The following ADAMTSL1 variants were observed in gnomAD, a reference collection of about 807,000 sequenced individuals.
ADAMTSL1 encodes the protein ADAMTS like 1.
Under a neutral mutation model 201.8 loss-of-function variants are expected in ADAMTSL1, and 126 were observed. That is an observed-to-expected ratio of 0.62 (90% CI 0.54 to 0.72). The LOEUF (loss-of-function observed/expected upper bound fraction) is 0.72, where lower values mean the gene tolerates loss of function less well. Among genes scored for constraint, ADAMTSL1 ranks in the 30% least tolerant of loss-of-function variants. The pLI is 0.00. For synonymous variants in ADAMTSL1, 1,121 were observed against 903.4 expected (o/e 1.24, Z -4.32); for missense variants, 2,679 against 2,277.8 (o/e 1.18, Z -3.59).
At chr9:18,058,850 C>T (rs1822316520) in intron 1 of ADAMTSL1, among the ~76,000 whole-genome samples, 1 of 152,238 alleles carries the variant, frequency 6.6e-6, no homozygotes, top group Non-Finnish European at 1.5e-5. Flanking sequence ...AAAGAAACCA[C>T]AGATGTTACT....
At chr9:18,118,045 A>G (rs554007968) in intron 1 of ADAMTSL1, among the ~76,000 whole-genome samples, 1 of 152,292 alleles carries the variant, frequency 6.6e-6, no homozygotes, top group South Asian at 2.1e-4. Context: ...TCATGAATGT[A>G]TTGTTATCTG....
rs1361531514 is a variant in ADAMTSL1 at position 18,011,002 on chromosome 9, A to G, written c.87+104080A>G. On this transcript the variant is annotated intron_variant, in intron 1 of 29. Coordinates refer to the ADAMTSL1 transcript ENST00000680146. Reference sequence around the variant, plus strand: ...TTTCATTAGGCAATCAGTTTCTGAAAGACATGGCCCATGTGGCAAGTGAAA... The same window carrying G: ...TTTCATTAGGCAATCAGTTTCTGAAGGACATGGCCCATGTGGCAAGTGAAA... Among the ~76,000 whole-genome samples the G allele has an allele frequency of 2.0e-5, 3 of 152,098 alleles. No individual in the cohort carries two copies. In the East Asian group the frequency reaches 5.8e-4, roughly 30 times the overall value.
At position 18,262,037 on chromosome 9, in the gene ADAMTSL1, G is replaced by A. The variant is rs543495748; in HGVS notation, c.207+98056G>A. ...AATATGTATGGTAACTAGACATGCCGGGACTTGTATAAAATGAGAATTTGA... is the reference window on the plus strand; with the variant it reads ...AATATGTATGGTAACTAGACATGCCAGGACTTGTATAAAATGAGAATTTGA... On this transcript the variant is annotated intron_variant, in intron 2 of 29. Coordinates refer to the ADAMTSL1 transcript ENST00000680146. 3.9e-5 allele frequency among the ~76,000 whole-genome samples: 6 copies of A among 152,192 alleles called. No individual in the cohort carries two copies. The South Asian group carries it at 1.0e-3, about 26-fold the overall frequency.
At chr9:18,356,510 C>G (rs10810959) in intron 2 of ADAMTSL1, among the ~76,000 whole-genome samples, 137,135 of 140,664 alleles carry the variant, frequency 0.97, 66,937 homozygotes, top group East Asian at 1. Context: ...TTGGGGGACA[C>G]AGTGAGACCC....
intron 4 of ADAMTSL1, among the ~76,000 whole-genome samples, chr9:18,583,046 A>C (rs1193343077): frequency 6.6e-6 from 1 of 152,048 alleles, no homozygotes; most frequent in Admixed American, 6.6e-5. Context: ...TTCTTTTGTA[A>C]ATTGCTCGGT....
At chr9:18,229,319 G>A (rs957922906) in intron 2 of ADAMTSL1, among the ~76,000 whole-genome samples, 3 of 152,062 alleles carry the variant, frequency 2.0e-5, no homozygotes, top group East Asian at 1.9e-4. Context: ...GAATTAGGAC[G>A]TTTCTGGTAG....
In ADAMTSL1 at chr9:18,606,084, G is replaced by A. The variant is rs150954055; in HGVS notation, c.475-16159G>A. Among the ~76,000 whole-genome samples, 16 of 152,220 alleles carry A rather than the reference G, an allele frequency of 1.1e-4. No homozygotes were observed. In the East Asian group the frequency reaches 1.4e-3, roughly 13 times the overall value. On this transcript the variant is annotated intron_variant, in intron 4 of 28. Coordinates refer to ENST00000380548, the MANE Select transcript of ADAMTSL1 (RefSeq NM_001040272.6). ...GAGAAGGTCTCTGCAGGGTTAGGCCGCCCAGATGCGAGCTGTTTGGGCTGA... is the reference window on the plus strand; with the variant it reads ...GAGAAGGTCTCTGCAGGGTTAGGCCACCCAGATGCGAGCTGTTTGGGCTGA...
chr9:18,837,977 A>G (rs1825423255), intron 23 of ADAMTSL1, among the ~76,000 whole-genome samples: 1 of 152,128 alleles, frequency 6.6e-6, no homozygotes, highest in South Asian at 2.1e-4. Context: ...TTAGGCCTCC[A>G]TGAGGTCAAA....
chr9:18,112,524 G>A (rs73645717), intron 1 of ADAMTSL1, among the ~76,000 whole-genome samples: 2,963 of 147,622 alleles, frequency 0.02, 94 homozygotes, highest in African/African-American at 0.069. Flanking sequence ...ACTTTTCCTC[G>A]CCTGTGCTTC....
At chr9:18,683,084 C>T (rs1830606730) in intron 12 of ADAMTSL1, among the ~76,000 whole-genome samples, 1 of 152,154 alleles carries the variant, frequency 6.6e-6, no homozygotes, top group Admixed American at 6.6e-5. Context: ...GAGGAGGTTG[C>T]CACAGGTGCG....
intron 2 of ADAMTSL1, among the ~76,000 whole-genome samples, chr9:18,505,654 C>T (rs1015157069): frequency 7.9e-5 from 12 of 152,106 alleles, no homozygotes; most frequent in Non-Finnish European, 1.5e-4. Flanking sequence ...CTAGATCTGT[C>T]TCCAAACTAT....
chr9:18,125,223 C>T (rs1441707711), intron 1 of ADAMTSL1, among the ~76,000 whole-genome samples: 6 of 152,076 alleles, frequency 3.9e-5, no homozygotes, highest in Non-Finnish European at 5.9e-5. Context: ...CGGATGGCAG[C>T]AGGGAAAGAG....
chr9:18,368,960 T>C (rs996629202), intron 2 of ADAMTSL1, among the ~76,000 whole-genome samples: 7 of 152,232 alleles, frequency 4.6e-5, no homozygotes, highest in African/African-American at 1.7e-4. Context: ...TGCCTCCTGA[T>C]TAACTTTGTT....
At chr9:18,721,219 T>A (rs571356514) in intron 14 of ADAMTSL1, among the ~76,000 whole-genome samples, 2 of 152,302 alleles carry the variant, frequency 1.3e-5, no homozygotes, top group South Asian at 4.1e-4. Flanking sequence ...AAGTATCATG[T>A]TCCAGCATTG....
chr9:18,736,934 A>G (rs1818530269), intron 15 of ADAMTSL1, among the ~76,000 whole-genome samples: 3 of 152,200 alleles, frequency 2.0e-5, no homozygotes, highest in African/African-American at 7.2e-5. Flanking sequence ...CTCTGTAAGC[A>G]GACTAGTATC....
At position 18,892,435 on chromosome 9, in the gene ADAMTSL1, G is replaced by A. The variant is rs1395244537; in HGVS notation, c.4690G>A (p.Gly1564Ser). 8 of 1,613,496 alleles carry A rather than the reference G, an allele frequency of 5.0e-6. No homozygotes were observed. The highest frequency in any genetic ancestry group is 2.2e-5 in the East Asian group (1 of 44,876). ...WSACTRSCGG[G>S]VQTRRVTCQK... Reference sequence around the variant, plus strand: ...TGCCTGTACCCGGAGCTGTGGGGGAGGTGTCCAGACCCGCAGGGTGACCTG... The same window carrying A: ...TGCCTGTACCCGGAGCTGTGGGGGAAGTGTCCAGACCCGCAGGGTGACCTG... Residue 1564 changes from glycine to serine, a missense_variant, in exon 26 of 29, where the codon GGT becomes AGT. Gly to Ser is a moderately conservative substitution (Grantham distance 56). Transcript: ENST00000380548.
At chr9:18,195,507 G>T (rs140518656) in intron 2 of ADAMTSL1, among the ~76,000 whole-genome samples, 90 of 152,252 alleles carry the variant, frequency 5.9e-4, no homozygotes, top group Non-Finnish European at 9.9e-4. Flanking sequence ...AACACAAGTT[G>T]TCTGACTCCA....
chr9:18,458,416 T>C (rs1453427184), intron 2 of ADAMTSL1, among the ~76,000 whole-genome samples: 1 of 152,204 alleles, frequency 6.6e-6, no homozygotes, highest in Non-Finnish European at 1.5e-5. Flanking sequence ...CTTCATGACC[T>C]ATTAGTGAGT....
chr9:18,377,001 G>A (rs1257577745), intron 2 of ADAMTSL1, among the ~76,000 whole-genome samples: 1 of 152,104 alleles, frequency 6.6e-6, no homozygotes, highest in East Asian at 1.9e-4. Context: ...TTTGATTCAA[G>A]AGCAGAGCAA....
Sources: gnomAD v4.1 joint callset for allele counts (sites outside exome capture counted in the v4.1 genomes callset) on GRCh38, gnomAD v4.1.1 for gene constraint, MANE v1.5 for transcripts, NCBI Gene and HGNC (gene_info 2026-07-23, HGNC 2026-07-21) for gene names.